Variants in ANKRD12 observed in about 807,000 individuals in gnomAD.
The protein encoded by ANKRD12 is ankyrin repeat domain 12.
A neutral mutation model predicts 183.4 loss-of-function variants in ANKRD12; 85 were observed. That is an observed-to-expected ratio of 0.46 (90% CI 0.39 to 0.56). ANKRD12 has a LOEUF of 0.56. Among genes scored for constraint, ANKRD12 ranks in the 20% least tolerant of loss-of-function variants. The pLI is 0.00. For missense variants in ANKRD12, 2,405 were observed against 2,357.1 expected, an observed-to-expected ratio of 1.02 and a Z score of -0.42; for synonymous variants, 914 against 800.2, an observed-to-expected ratio of 1.14 and a Z score of -2.40.
At chr18:9,238,728 C>T (rs1466937504) in intron 8 of ANKRD12, among the ~76,000 whole-genome samples, 1 of 152,212 alleles carries the variant, frequency 6.6e-6, no homozygotes, top group Admixed American at 6.5e-5. Context: ...GTAAGTCCAT[C>T]TTCCAGCTAA....
intron 8 of ANKRD12, among the ~76,000 whole-genome samples, chr18:9,227,531 AC>A (rs2036792050): frequency 6.6e-6 from 1 of 152,222 alleles, no homozygotes; most frequent in Non-Finnish European, 1.5e-5. Flanking sequence ...ATAAGATCTT[AC>A]CGAAAGGTGT....
chr18:9,242,933 A>G (rs982304693), intron 8 of ANKRD12, among the ~76,000 whole-genome samples: 6 of 152,196 alleles, frequency 3.9e-5, no homozygotes, highest in African/African-American at 1.4e-4. Flanking sequence ...GATGTGTATG[A>G]CTTCTTTTGT....
Position 9,166,795 on chromosome 18 carries a change from G to C in ANKRD12, c.-51-15587G>C, listed in dbSNP as rs551069468. On this transcript the variant is annotated intron_variant, in intron 1 of 12. Coordinates refer to ENST00000262126, the MANE Select transcript of ANKRD12 (RefSeq NM_015208.5). ...TTTTAGTCATGAAGTCCTTGCCCATGCCTGTGTCCTGAATGGTATTGCCTA... is the reference window on the plus strand; with the variant it reads ...TTTTAGTCATGAAGTCCTTGCCCATCCCTGTGTCCTGAATGGTATTGCCTA... 2.6e-5 allele frequency among the ~76,000 whole-genome samples: 4 copies of C among 152,268 alleles called. No individual in the cohort carries two copies. In the East Asian group the frequency reaches 7.7e-4, roughly 29 times the overall value.
intron 8 of ANKRD12, chr18:9,235,892 A>G (rs2037318396): frequency 3.7e-6 from 1 of 273,892 alleles, no homozygotes; most frequent in African/African-American, 2.2e-5. Context: ...CTCTGGGAAA[A>G]TCTTATAGAA....
At chr18:9,242,463 C>A (rs377376386) in intron 8 of ANKRD12, among the ~76,000 whole-genome samples, 6 of 150,592 alleles carry the variant, frequency 4.0e-5, no homozygotes, top group African/African-American at 4.9e-5. Flanking sequence ...TATATGCATA[C>A]AAAAAAAAAT....
intron 1 of ANKRD12, among the ~76,000 whole-genome samples, chr18:9,169,581 C>T (rs1176497015): frequency 6.6e-6 from 1 of 152,132 alleles, no homozygotes; most frequent in African/African-American, 2.4e-5. Context: ...CTTCCTCCAT[C>T]CCTTTATTTT....
At chr18:9,216,523 G>A (rs1431216525) in intron 6 of ANKRD12, among the ~76,000 whole-genome samples, 3 of 152,080 alleles carry the variant, frequency 2.0e-5, no homozygotes, top group East Asian at 1.9e-4. Flanking sequence ...GACTGCATGG[G>A]GGTTAACACC....
At chr18:9,156,719 A>G (rs1354001663) in intron 1 of ANKRD12, among the ~76,000 whole-genome samples, 2 of 152,230 alleles carry the variant, frequency 1.3e-5, no homozygotes, top group South Asian at 4.1e-4. Context: ...GAAACAGCCC[A>G]ATATCCACTC....
At chr18:9,253,186 TATC>T (rs2038402622) in intron 8 of ANKRD12, among the ~76,000 whole-genome samples, 1 of 152,202 alleles carries the variant, frequency 6.6e-6, no homozygotes, top group African/African-American at 2.4e-5. Context: ...CTCAAGCATT[TATC>T]ATTTATTTGT....
rs370159797 is a variant in ANKRD12, at chr18:9,265,574, G to C, written c.5763+1686G>C. 2.4e-4 allele frequency among the ~76,000 whole-genome samples: 37 copies of C among 152,266 alleles called. No individual in the cohort carries two copies. In the South Asian group the frequency reaches 5.4e-3, roughly 22 times the overall value. On this transcript the variant is annotated intron_variant, in intron 10 of 12. Transcript: ENST00000262126. ...CTGCAGGTGAGGATCCTGTCTGTTA[G>C]AAGGAAAACTAACAAACAGAAAGGA...
intron 4 of ANKRD12, among the ~76,000 whole-genome samples, chr18:9,208,409 T>C (rs1450791349): frequency 6.6e-6 from 1 of 152,190 alleles, no homozygotes; most frequent in Non-Finnish European, 1.5e-5. Flanking sequence ...TTACTAGTAA[T>C]AAATTTCCCA....
intron 2 of ANKRD12, among the ~76,000 whole-genome samples, chr18:9,193,257 G>C (rs574476076): frequency 2.0e-5 from 3 of 151,068 alleles, no homozygotes; most frequent in Non-Finnish European, 4.4e-5. Flanking sequence ...TCCTGCCTCA[G>C]CCTCCCAAGT....
chr18:9,250,244 C>G (rs901612544), intron 8 of ANKRD12: 3 of 152,094 alleles, frequency 2.0e-5, no homozygotes, highest in Middle Eastern at 3.1e-3. Flanking sequence ...AGATGATGGT[C>G]CAGATTTTGA....
intron 1 of ANKRD12, among the ~76,000 whole-genome samples, chr18:9,145,720 C>T (rs1304008676): frequency 6.6e-6 from 1 of 152,140 alleles, no homozygotes; most frequent in Non-Finnish European, 1.5e-5. Flanking sequence ...GCCACAATTA[C>T]TAGGATGAGG....
intron 1 of ANKRD12, among the ~76,000 whole-genome samples, chr18:9,148,152 G>A (rs567316245): frequency 6.6e-6 from 1 of 152,266 alleles, no homozygotes; most frequent in Admixed American, 6.5e-5. Flanking sequence ...ACTGGTTTAT[G>A]GAAGTTGCAG....
chr18:9,215,790 A>G (rs1470045803), intron 6 of ANKRD12, among the ~76,000 whole-genome samples: 1 of 152,164 alleles, frequency 6.6e-6, no homozygotes, highest in Non-Finnish European at 1.5e-5. Context: ...GAAATCATGA[A>G]AGAGATTGTG....
chr18:9,216,951 C>T, intron 7 of ANKRD12, 51 bp downstream of exon 7: 2 of 1,543,396 alleles, frequency 1.3e-6, no homozygotes. Flanking sequence ...AATATAAATT[C>T]AACCCAAAGT....
At chr18:9,261,780 C>T (rs1395421974) in intron 9 of ANKRD12, among the ~76,000 whole-genome samples, 1 of 152,140 alleles carries the variant, frequency 6.6e-6, no homozygotes, top group African/African-American at 2.4e-5. Context: ...CCACATGATT[C>T]GTTTCACTAA....
intron 2 of ANKRD12, among the ~76,000 whole-genome samples, chr18:9,186,796 G>A (rs2034100518): frequency 6.8e-6 from 1 of 146,584 alleles, no homozygotes; most frequent in South Asian, 2.1e-4. Context: ...TTTTTCCCCG[G>A]GCCGGAGTGG....
Sources: gnomAD v4.1 joint callset for allele counts (sites outside exome capture counted in the v4.1 genomes callset) on GRCh38, gnomAD v4.1.1 for gene constraint, MANE v1.5 for transcripts, NCBI Gene and HGNC (gene_info 2026-07-23, HGNC 2026-07-21) for gene names.